The following GALNTL6 variants were observed in gnomAD, a reference collection of about 807,000 sequenced individuals.
The protein encoded by GALNTL6 is polypeptide N-acetylgalactosaminyltransferase like 6.
A neutral mutation model predicts 73.7 loss-of-function variants in GALNTL6; 46 were observed. That is an observed-to-expected ratio of 0.62 (90% CI 0.49 to 0.80). The LOEUF is 0.80. Among genes scored for constraint, GALNTL6 ranks in the 30% least tolerant of loss-of-function variants. The probability of loss-of-function intolerance (pLI) is 0.00; values close to 1 mark genes in which losing one functional copy is unlikely to be tolerated. For synonymous variants in GALNTL6, 259 were observed against 263.7 expected (o/e 0.98, Z 0.17); for missense variants, 604 against 755.0 (o/e 0.80, Z 2.34).
chr4:171,918,993 A>G (rs915654192), intron 2 of GALNTL6, among the ~76,000 whole-genome samples: 1 of 152,106 alleles, frequency 6.6e-6, no homozygotes, highest in African/African-American at 2.4e-5. Context: ...GGAGGGGGAA[A>G]CAGAAAGTTA....
intron 2 of GALNTL6, among the ~76,000 whole-genome samples, chr4:172,094,659 T>C (rs1453178029): frequency 2.0e-5 from 3 of 152,134 alleles, no homozygotes; most frequent in Non-Finnish European, 2.9e-5. Context: ...TGCTACCCAT[T>C]TGAACCATGG....
chr4:172,728,065 A>G (rs932120568), intron 5 of GALNTL6, among the ~76,000 whole-genome samples: 1 of 152,080 alleles, frequency 6.6e-6, no homozygotes, highest in Non-Finnish European at 1.5e-5. Flanking sequence ...GGCACCTGCC[A>G]CCACGCCTGG....
At chr4:172,069,482 ATAACACATATGTTATATG>A (rs1731451385) in intron 2 of GALNTL6, among the ~76,000 whole-genome samples, 1 of 30,332 alleles carries the variant, frequency 3.3e-5, no homozygotes, top group African/African-American at 7.1e-5. Context: ...TATGTTATAT[ATAACACATATGTTATATG>A]TATAACACAT....
chr4:172,276,566 G>A (rs759299046), intron 3 of GALNTL6, among the ~76,000 whole-genome samples: 1 of 152,146 alleles, frequency 6.6e-6, no homozygotes, highest in Non-Finnish European at 1.5e-5. Flanking sequence ...TAGTGGAGGG[G>A]TGTAATGCCA....
chr4:172,465,385 G>T (rs1732773939), intron 5 of GALNTL6, among the ~76,000 whole-genome samples: 1 of 152,072 alleles, frequency 6.6e-6, no homozygotes, highest in Non-Finnish European at 1.5e-5. Flanking sequence ...GCTGAGGCAG[G>T]AGGATGGTGT....
chr4:172,022,522 C>T (rs1238881522), intron 2 of GALNTL6, among the ~76,000 whole-genome samples: 1 of 152,008 alleles, frequency 6.6e-6, no homozygotes, highest in Non-Finnish European at 1.5e-5. Flanking sequence ...CATGCAACTG[C>T]TTCAGTATCA....
chr4:171,951,754 C>G (rs1409682821), intron 2 of GALNTL6, among the ~76,000 whole-genome samples: 1 of 151,942 alleles, frequency 6.6e-6, no homozygotes, highest in Non-Finnish European at 1.5e-5. Context: ...ATTTAAAACA[C>G]TTTTGAATTA....
chr4:172,043,600 C>T (rs147448874), intron 2 of GALNTL6, among the ~76,000 whole-genome samples: 14 of 152,006 alleles, frequency 9.2e-5, no homozygotes, highest in South Asian at 2.1e-4. Context: ...GATTAGAATA[C>T]GGGTTACAAA....
At chr4:172,980,460 ATAG>A (rs1751016287) in intron 10 of GALNTL6, among the ~76,000 whole-genome samples, 2 of 152,166 alleles carry the variant, frequency 1.3e-5, no homozygotes, top group Admixed American at 1.3e-4. Context: ...ACAGTGCCAC[ATAG>A]TAGGTGGCTC....
rs935907745 is a variant in GALNTL6 at position 171,814,460 on chromosome 4, A to G, written c.-121A>G. 10 of 1,080,166 alleles carry G rather than the reference A, an allele frequency of 9.3e-6. No homozygotes were observed. The highest frequency in any genetic ancestry group is 3.2e-5 in the African/African-American group (2 of 62,532). The allele number at this position is 1,080,166 out of a possible 1,614,324, so 66.9% of individuals were successfully genotyped here. A position where few individuals can be genotyped will look rare whatever the true frequency, so the allele number is the denominator to read the frequency against. On this transcript the variant is annotated 5_prime_UTR_variant, in exon 2 of 13. Coordinates refer to ENST00000506823, the MANE Select transcript of GALNTL6 (RefSeq NM_001034845.3). The stretch of plus-strand genomic sequence containing the variant: ...GCAGATTGGTGCTGAGCACGCAACA[A>G]AAGTTTGTAGCTTCTCAGTTTCTGG...
chr4:172,545,269 A>C (rs337998), intron 5 of GALNTL6, among the ~76,000 whole-genome samples: 150,842 of 152,238 alleles, frequency 0.99, 74,745 homozygotes, highest in East Asian at 1. Context: ...CCGAAGCTAG[A>C]AAATTGCCTT....
chr4:173,025,977 A>G (rs1753214811), intron 12 of GALNTL6, among the ~76,000 whole-genome samples: 1 of 152,212 alleles, frequency 6.6e-6, no homozygotes, highest in Non-Finnish European at 1.5e-5. Context: ...ATGGCAAGGT[A>G]TATCCTAATA....
intron 5 of GALNTL6, among the ~76,000 whole-genome samples, chr4:172,755,943 C>T (rs1048819715): frequency 2.6e-5 from 4 of 152,128 alleles, no homozygotes; most frequent in East Asian, 1.9e-4. Context: ...ATGAGAGATA[C>T]AGCATATAGA....
chr4:172,271,904 T>C (rs1364721032), intron 3 of GALNTL6, among the ~76,000 whole-genome samples: 1 of 151,848 alleles, frequency 6.6e-6, no homozygotes, highest in Admixed American at 6.6e-5. Context: ...TTGTGTTTGC[T>C]TTTTTGAAAT....
At chr4:172,247,314 G>A (rs1481633915) in intron 3 of GALNTL6, among the ~76,000 whole-genome samples, 4 of 152,138 alleles carry the variant, frequency 2.6e-5, no homozygotes, top group Non-Finnish European at 5.9e-5. Context: ...TGTCCCTAAA[G>A]CATTATCCCC....
At chr4:172,041,420 A>T (rs1487637663) in intron 2 of GALNTL6, among the ~76,000 whole-genome samples, 7 of 152,088 alleles carry the variant, frequency 4.6e-5, no homozygotes, top group African/African-American at 1.7e-4. Context: ...AAACATATTT[A>T]AAATTAGAAA....
At chr4:171,819,137 T>C (rs1191535831) in intron 2 of GALNTL6, among the ~76,000 whole-genome samples, 1 of 152,084 alleles carries the variant, frequency 6.6e-6, no homozygotes. Context: ...ACATTATCAA[T>C]ACACTAGATA....
At chr4:171,956,135 G>C (rs538428045) in intron 2 of GALNTL6, among the ~76,000 whole-genome samples, 2 of 143,630 alleles carry the variant, frequency 1.4e-5, no homozygotes, top group Admixed American at 1.4e-4. Flanking sequence ...CCAGAGTAGC[G>C]GGACTACAGG....
intron 5 of GALNTL6, among the ~76,000 whole-genome samples, chr4:172,370,786 AG>A (rs1442925605): frequency 6.6e-6 from 1 of 152,078 alleles, no homozygotes; most frequent in Non-Finnish European, 1.5e-5. Context: ...CTTTCTCAGC[AG>A]GGGGGAGGTC....
Sources: allele counts gnomAD v4.1 joint callset (sites outside exome capture counted in the v4.1 genomes callset), GRCh38; gene constraint gnomAD v4.1.1; transcripts MANE v1.5; gene names NCBI Gene and HGNC (gene_info 2026-07-23, HGNC 2026-07-21).